The following SNX13 variants were observed in gnomAD, a reference collection of about 807,000 sequenced individuals.
SNX13 encodes sorting nexin 13.
Under a neutral mutation model 133.6 loss-of-function variants are expected in SNX13, and 45 were observed. The observed-to-expected ratio is 0.34, with a 90% CI of 0.27 to 0.43. SNX13 has a LOEUF of 0.43. Ranked by LOEUF, SNX13 falls within the 20% of genes least tolerant of loss-of-function variation. SNX13 has a pLI of 1.00. For synonymous variants in SNX13, 414 were observed against 373.9 expected (o/e 1.11, Z -1.24); for missense variants, 1,032 against 1,145.1 (o/e 0.90, Z 1.43).
intron 18 of SNX13, among the ~76,000 whole-genome samples, chr7:17,818,980 A>G (rs1786981107): frequency 6.6e-6 from 1 of 152,216 alleles, no homozygotes; most frequent in Non-Finnish European, 1.5e-5. Flanking sequence ...AGTAGCTATT[A>G]CACTACAAGC....
intron 5 of SNX13, among the ~76,000 whole-genome samples, chr7:17,886,902 A>C (rs1796061819): frequency 6.6e-6 from 1 of 151,864 alleles, no homozygotes; most frequent in Non-Finnish European, 1.5e-5. Context: ...TCAATACCAC[A>C]GAAATGATTG....
chr7:17,843,789 G>A (rs868829087), intron 12 of SNX13, among the ~76,000 whole-genome samples: 1 of 151,916 alleles, frequency 6.6e-6, no homozygotes, highest in Middle Eastern at 3.4e-3. Flanking sequence ...ATATATTTTT[G>A]GAAATCAAAC....
chr7:17,803,841 T>G (rs1362546243), intron 20 of SNX13, among the ~76,000 whole-genome samples: 5 of 148,956 alleles, frequency 3.4e-5, no homozygotes, highest in Admixed American at 6.7e-5. Flanking sequence ...AATCCAGGAG[T>G]TTGAGACCAG....
chr7:17,877,626 A>G (rs1794872558), intron 5 of SNX13, among the ~76,000 whole-genome samples: 1 of 152,086 alleles, frequency 6.6e-6, no homozygotes, highest in African/African-American at 2.4e-5. Flanking sequence ...AAACTTTCAA[A>G]CAAAATAAAT....
chr7:17,937,020 TAA>T (rs536495058), intron 1 of SNX13, among the ~76,000 whole-genome samples: 24 of 75,046 alleles, frequency 3.2e-4, no homozygotes, highest in African/African-American at 1.2e-3. Flanking sequence ...TAAAATAAAA[TAA>T]AAAAAAAAAA....
Position 17,799,072 on chromosome 7 carries a change from C to A in SNX13, c.2381G>T (p.Arg794Leu), listed in dbSNP as rs1336491453. ...TTGAAGTAGGTTTTTGATATTCCTT[C>A]GCAACCACTGATTTCTTTCTTTTAA... Reference protein sequence around the residue: ...FDLKERNQWLRRNIKNLLQQL... With the variant: ...FDLKERNQWLLRNIKNLLQQL... Residue 794 changes from arginine to leucine, a missense_variant, in exon 23 of 26, where the codon CGA becomes CTA. Physicochemically the swap from Arg to Leu is moderately radical, Grantham distance 102 (BLOSUM62 -2). Coordinates refer to ENST00000428135, the MANE Select transcript of SNX13 (RefSeq NM_015132.5). The A allele has an allele frequency of 6.2e-7, 1 of 1,610,796 alleles. No individual in the cohort carries two copies. The highest frequency in any genetic ancestry group is 8.5e-7 in the Non-Finnish European group (1 of 1,178,016).
Position 17,814,847 on chromosome 7 carries a change from T to A in SNX13, c.2051A>T (p.Asp684Val). 6.5e-7 allele frequency: 1 copy of A among 1,540,670 alleles called. No homozygotes were observed. Among genetic ancestry groups the A allele is most frequent in the East Asian group, 2.5e-5 (1 of 40,092 alleles). The change falls in exon 20 of 26, where the codon GAT becomes GTT. Residue 684 changes from aspartate to valine, a missense_variant. Transcript: ENST00000428135. ...CTGCTTACTTACCTTGCGAGCAAAA[T>A]CCCCTTTTCCTTTACTGTAGGCTTT... ...ENKAYSKGKGDFARKMDTFVN... is the reference protein window; with the variant it reads ...ENKAYSKGKGVFARKMDTFVN...
Position 17,804,689 on chromosome 7 carries a change from A to G in SNX13, c.2065-1109T>C, listed in dbSNP as rs544974353. ...TCTTTAACAGAAATAAAGAAATCAA[A>G]GAAAAGACACAAAACCAAAGTCATA... On this transcript the variant is annotated intron_variant, in intron 20 of 25. Transcript: ENST00000428135. 5.6e-3 allele frequency among the ~76,000 whole-genome samples: 846 copies of G among 152,234 alleles called. 9 individuals carry two copies. Among genetic ancestry groups the G allele is most frequent in the African/African-American group, 0.019 (804 of 41,580 alleles).
intron 18 of SNX13, among the ~76,000 whole-genome samples, chr7:17,820,076 T>C (rs1388698264): frequency 1.3e-5 from 2 of 152,196 alleles, no homozygotes; most frequent in African/African-American, 2.4e-5. Context: ...TTCAAAAGTA[T>C]GTTCTTCATT....
Position 17,850,867 on chromosome 7 carries a change from T to G in SNX13, c.935A>C (p.Glu312Ala). 6.2e-7 allele frequency: 1 copy of G among 1,611,716 alleles called. No homozygotes were observed. The highest frequency in any genetic ancestry group is 8.5e-7 in the Non-Finnish European group (1 of 1,179,064). ...ELEAVRDKAA[E>A]ELQYLRSLDT... The stretch of plus-strand genomic sequence containing the variant: ...TAGAGATCTAAGATACTGTAATTCT[T>G]CTGCTGCCTTATCTCTGACTGCTTC... Residue 312 changes from glutamate (E) to alanine (A), a missense_variant, in exon 10 of 26, where the codon GAA becomes GCA. Physicochemically the swap from Glu to Ala is moderately radical, Grantham distance 107. Transcript: ENST00000428135.
At chr7:17,813,337 G>A (rs1786275829) in intron 20 of SNX13, among the ~76,000 whole-genome samples, 1 of 152,126 alleles carries the variant, frequency 6.6e-6, no homozygotes, top group African/African-American at 2.4e-5. Flanking sequence ...CAATAAAACT[G>A]TTCCAAGTTG....
intron 9 of SNX13, among the ~76,000 whole-genome samples, chr7:17,851,699 G>A (rs1791226485): frequency 7.5e-6 from 1 of 133,126 alleles, no homozygotes; most frequent in Non-Finnish European, 1.6e-5. Flanking sequence ...AAAAAATTAA[G>A]AGATGCAGCA....
At chr7:17,908,053 T>A (rs1177053198) in intron 1 of SNX13, among the ~76,000 whole-genome samples, 1 of 152,172 alleles carries the variant, frequency 6.6e-6, no homozygotes, top group African/African-American at 2.4e-5. Flanking sequence ...AAACTTATCA[T>A]GTCCAAAATT....
At position 17,794,104 on chromosome 7, in the gene SNX13, T is replaced by G. The variant is rs769576629; in HGVS notation, c.2815A>C (p.Met939Leu). 3 of 1,611,610 alleles carry G rather than the reference T, an allele frequency of 1.9e-6. No individual in the cohort carries two copies. The highest frequency in any genetic ancestry group is 1.3e-5 in the African/African-American group (1 of 74,818). The stretch of plus-strand genomic sequence containing the variant: ...TGAAGTTTCTGTTTATATTTCTGCA[T>G]CTGCTTTGACCGTGAATGCAGTTTG... ...FNKLHSRSKQ[M>L]QKYKQKLQTT... The change falls in exon 26 of 26, where the codon ATG becomes CTG. Residue 939 changes from methionine to leucine, a missense_variant. Coordinates refer to ENST00000428135, the MANE Select transcript of SNX13 (RefSeq NM_015132.5).
rs1554304275 is a variant in SNX13, at chr7:17,805,250, T to TGCGC, written c.2065-1671_2065-1670insGCGC. Among the ~76,000 whole-genome samples the TGCGC allele has an allele frequency of 1.1e-3, 105 of 95,592 alleles. 1 individual carries two copies. Among genetic ancestry groups the TGCGC allele is most frequent in the Middle Eastern group, 9.7e-3 (2 of 206 alleles). The allele number at this position is 95,592 out of a possible 152,430, so 62.7% of individuals were successfully genotyped here. The stretch of plus-strand genomic sequence containing the variant: ...GTGTGTGTGTGTGTGTGTGTGTGTG[T>TGCGC]GCGTGCGCGCGCGCGCATGCATGCA... On this transcript the variant is annotated intron_variant, in intron 20 of 25. Coordinates refer to ENST00000428135, the MANE Select transcript of SNX13 (RefSeq NM_015132.5).
At chr7:17,802,855 A>G (rs918154396) in intron 21 of SNX13, among the ~76,000 whole-genome samples, 3 of 152,002 alleles carry the variant, frequency 2.0e-5, no homozygotes, top group African/African-American at 7.2e-5. Flanking sequence ...AACAAACTAC[A>G]CAGTCTAGTA....
intron 4 of SNX13, among the ~76,000 whole-genome samples, chr7:17,891,109 A>T (rs1217086336): frequency 1.3e-5 from 2 of 151,998 alleles, no homozygotes; most frequent in African/African-American, 4.8e-5. Flanking sequence ...ATATAATCAA[A>T]CATCAATGAA....
At chr7:17,910,136 G>T (rs1307500503) in intron 1 of SNX13, among the ~76,000 whole-genome samples, 1 of 152,104 alleles carries the variant, frequency 6.6e-6, no homozygotes, top group African/African-American at 2.4e-5. Context: ...CTATTTCAGT[G>T]TTGCTATTTC....
intron 12 of SNX13, among the ~76,000 whole-genome samples, chr7:17,841,553 T>TATACACACAC (rs1554321828): frequency 7.0e-6 from 1 of 142,972 alleles, no homozygotes; most frequent in Non-Finnish European, 1.5e-5. Context: ...CAGTTATTCA[T>TATACACACAC]ACACACACAC....
Sources: gnomAD v4.1 joint callset for allele counts (sites outside exome capture counted in the v4.1 genomes callset) on GRCh38, gnomAD v4.1.1 for gene constraint, MANE v1.5 for transcripts, NCBI Gene and HGNC (gene_info 2026-07-23, HGNC 2026-07-21) for gene names.